YAF2: variants seen among roughly 807,000 people sequenced by gnomAD.
The protein encoded by YAF2 is YY1-associated factor 2.
Under a neutral mutation model 20.1 loss-of-function variants are expected in YAF2, and 7 were observed. That is an observed-to-expected ratio of 0.35 (90% CI 0.20 to 0.65). The LOEUF is 0.65. YAF2 is among the 30% of genes least tolerant of loss of function. YAF2 has a pLI of 0.69. For missense variants in YAF2, 151 were observed against 219.2 expected, an observed-to-expected ratio of 0.69 and a Z score of 1.96; for synonymous variants, 74 against 76.0, an observed-to-expected ratio of 0.97 and a Z score of 0.14.
intron 2 of YAF2, among the ~76,000 whole-genome samples, chr12:42,178,109 T>C (rs2066244381): frequency 2.0e-5 from 3 of 152,150 alleles, no homozygotes; most frequent in South Asian, 4.1e-4. Context: ...TGTGCAAAAA[T>C]ATGTACATCT....
At chr12:42,211,789 C>CTGT (rs1432047739) in intron 2 of YAF2, among the ~76,000 whole-genome samples, 1 of 151,260 alleles carries the variant, frequency 6.6e-6, no homozygotes, top group East Asian at 1.9e-4. Context: ...TGGCTTGCAC[C>CTGT]TGTGATTCCA....
intron 2 of YAF2, among the ~76,000 whole-genome samples, chr12:42,216,024 T>C (rs2067347632): frequency 6.6e-6 from 1 of 152,112 alleles, no homozygotes; most frequent in South Asian, 2.1e-4. Flanking sequence ...CACCAACAAG[T>C]ACCCAATGTT....
chr12:42,160,593 T>C lies in YAF2; in HGVS notation c.539A>G (p.His180Arg). 1 of 1,596,492 alleles carries C rather than the reference T, an allele frequency of 6.3e-7. No individual in the cohort carries two copies. Among genetic ancestry groups the C allele is most frequent in the African/African-American group, 1.3e-5 (1 of 74,598 alleles). The change falls in exon 4 of 4, where the codon CAT becomes CGT. Residue 180 changes from histidine to arginine, a missense_variant. This residue lies in a region of YAF2 where 51 missense variants were observed against 48.9 expected (regional missense o/e 1.04). Coordinates refer to ENST00000534854, the MANE Select transcript of YAF2 (RefSeq NM_005748.6). ...AGAAATTGGAGAAAATAAACTTTAA[T>C]GAGATTCTCCATTCAATGATGAGGC... ...GEASSLNGES[H>R]
At chr12:42,229,258 AG>A (rs2137397460) in intron 2 of YAF2, among the ~76,000 whole-genome samples, 1 of 120,448 alleles carries the variant, frequency 8.3e-6, no homozygotes, top group East Asian at 2.3e-4. Flanking sequence ...TCAAGTAATC[AG>A]GGACACAAAC....
At chr12:42,172,975 T>C (rs543558394) in intron 2 of YAF2, among the ~76,000 whole-genome samples, 1 of 152,172 alleles carries the variant, frequency 6.6e-6, no homozygotes, top group South Asian at 2.1e-4. Context: ...AGACCTGTGG[T>C]TGCTCAGGGT....
At chr12:42,161,898 G>A in intron 2 of YAF2, 133 bp from the exon 3 acceptor site, 3 of 784,488 alleles carry the variant, frequency 3.8e-6, no homozygotes, top group South Asian at 2.0e-5. Flanking sequence ...TCATATGTAA[G>A]GTAATTTAAA....
intron 2 of YAF2, chr12:42,199,278 C>T (rs1437911721): frequency 9.0e-7 from 1 of 1,115,210 alleles, no homozygotes; most frequent in East Asian, 6.0e-5. Context: ...ACTATGTACA[C>T]ATGGAACAGA....
intron 2 of YAF2, among the ~76,000 whole-genome samples, chr12:42,184,720 G>A (rs1440279323): frequency 3.3e-5 from 5 of 152,250 alleles, no homozygotes; most frequent in Non-Finnish European, 2.9e-5. Context: ...GAAAGGCTTC[G>A]CCATTCTAGA....
At chr12:42,192,798 A>T (rs74343037) in intron 2 of YAF2, among the ~76,000 whole-genome samples, 1,595 of 152,300 alleles carry the variant, frequency 0.01, 28 homozygotes, top group African/African-American at 0.037. Flanking sequence ...CATAGTTTAC[A>T]TCTAGTTCTT....
At position 42,160,903 on chromosome 12, in the gene YAF2, T is replaced by G. The variant is rs183908743; in HGVS notation, c.306-77A>C. ...CTGAGCATATAATAAATAATAAAAG[T>G]GGTAAAAGTAACAAAATGAATACAT... On this transcript the variant is annotated intron_variant, in intron 3 of 3. Coordinates refer to ENST00000534854, the MANE Select transcript of YAF2 (RefSeq NM_005748.6). 4.6e-4 allele frequency: 599 copies of G among 1,308,878 alleles called. 2 individuals carry two copies. Among genetic ancestry groups the G allele is most frequent in the Admixed American group, 2.2e-3 (91 of 42,086 alleles). The allele number at this position is 1,308,878 out of a possible 1,614,324, so 81.1% of individuals were successfully genotyped here. A position where few individuals can be genotyped will look rare whatever the true frequency, so the allele number is the denominator to read the frequency against.
rs2137427067 is a variant in YAF2 at position 42,232,856 on chromosome 12, A to C, written c.152+4743T>G. On this transcript the variant is annotated intron_variant, in intron 2 of 3. Transcript: ENST00000534854. ...CTCTTTTTACCTAACCATAATAATA[A>C]TACTGTGTTCAGTTATAAACAACAT... The C allele has an allele frequency of 3.0e-6, 3 of 985,232 alleles. No homozygotes were observed. The South Asian group carries it at 1.4e-4, about 46-fold the overall frequency. 61.0% of individuals were successfully genotyped at this position (985,232 alleles called of 1,614,324 possible).
At chr12:42,189,659 G>C (rs886663240) in intron 2 of YAF2, among the ~76,000 whole-genome samples, 29 of 152,204 alleles carry the variant, frequency 1.9e-4, no homozygotes, top group Admixed American at 7.2e-4. Flanking sequence ...ATACATTATA[G>C]ATAAAACATA....
At chr12:42,205,917 T>C in intron 2 of YAF2, 1 of 399,900 alleles carries the variant, frequency 2.5e-6, no homozygotes. Flanking sequence ...GTAATTTCCA[T>C]TTTTTTAATT....
At chr12:42,218,541 A>T (rs140042499) in intron 2 of YAF2, among the ~76,000 whole-genome samples, 1 of 151,994 alleles carries the variant, frequency 6.6e-6, no homozygotes, top group Non-Finnish European at 1.5e-5. Context: ...AAAATGTATT[A>T]TTTTTTCCAG....
chr12:42,168,767 T>G (rs1469596000), intron 2 of YAF2, among the ~76,000 whole-genome samples: 1 of 152,182 alleles, frequency 6.6e-6, no homozygotes, highest in African/African-American at 2.4e-5. Flanking sequence ...TAAGGGCATA[T>G]TTGCACATTT....
intron 2 of YAF2, among the ~76,000 whole-genome samples, chr12:42,187,502 G>A (rs539721657): frequency 2.0e-5 from 3 of 151,970 alleles, no homozygotes; most frequent in African/African-American, 7.2e-5. Context: ...AATTAGTGGT[G>A]TGCTTCTATA....
chr12:42,204,757 C>T (rs1196174100), intron 2 of YAF2, among the ~76,000 whole-genome samples: 3 of 152,152 alleles, frequency 2.0e-5, no homozygotes, highest in African/African-American at 7.2e-5. Context: ...ATGAAGTGTA[C>T]TGACATATGC....
intron 2 of YAF2, among the ~76,000 whole-genome samples, chr12:42,182,906 T>C (rs1308257041): frequency 6.6e-6 from 1 of 152,192 alleles, no homozygotes; most frequent in Non-Finnish European, 1.5e-5. Flanking sequence ...CATTTTATTG[T>C]GCATTACTTT....
At chr12:42,192,853 A>G (rs2066650377) in intron 2 of YAF2, among the ~76,000 whole-genome samples, 1 of 152,248 alleles carries the variant, frequency 6.6e-6, no homozygotes, top group Admixed American at 6.5e-5. Flanking sequence ...GCATAACAAC[A>G]TTTTGGTCAA....
Sources: gnomAD v4.1 joint callset for allele counts (sites outside exome capture counted in the v4.1 genomes callset) on GRCh38, gnomAD v4.1.1 for gene constraint, gnomAD v4.1.1 regional missense constraint, MANE v1.5 for transcripts, NCBI Gene and HGNC (gene_info 2026-07-23, HGNC 2026-07-21) for gene names.